BMAL2: variants seen among roughly 807,000 people sequenced by gnomAD.
BMAL2 encodes the protein basic helix-loop-helix ARNT-like protein 2.
the BMAL2 span, among the ~76,000 whole-genome samples, chr12:27,397,126 A>C: frequency 6.6e-6 from 1 of 152,158 alleles, no homozygotes; most frequent in African/African-American, 2.4e-5. Flanking sequence ...GCTGGAGTGC[A>C]GTGGCATGAT....
chr12:27,376,446 T>C, the BMAL2 span: 29 of 1,531,352 alleles, frequency 1.9e-5, no homozygotes, highest in Non-Finnish European at 2.4e-5. Flanking sequence ...AAGGCAAGCC[T>C]GTAGCCTAAG....
At chr12:27,419,645 A>G in the BMAL2 span, among the ~76,000 whole-genome samples, 8 of 152,330 alleles carry the variant, frequency 5.3e-5, no homozygotes, top group South Asian at 2.1e-4. Flanking sequence ...CATGACTGAC[A>G]TTGCTCTGCT....
the BMAL2 span, chr12:27,418,270 A>G: frequency 2.0e-6 from 2 of 1,021,694 alleles, no homozygotes; most frequent in Non-Finnish European, 2.9e-6. Flanking sequence ...GTTTTCAGGC[A>G]CAGGAAATTT....
At chr12:27,422,793 C>A in the BMAL2 span, 1 of 152,212 alleles carries the variant, frequency 6.6e-6, no homozygotes, top group Non-Finnish European at 1.5e-5. Context: ...ACTTGGCTTC[C>A]AAAGAGTCTG....
chr12:27,404,534 C>T, the BMAL2 span, among the ~76,000 whole-genome samples: 6 of 152,108 alleles, frequency 3.9e-5, no homozygotes, highest in African/African-American at 1.4e-4. Flanking sequence ...AAAAATAAAG[C>T]TAGACTCCAA....
At chr12:27,407,267 T>C in the BMAL2 span, among the ~76,000 whole-genome samples, 13 of 152,288 alleles carry the variant, frequency 8.5e-5, no homozygotes, top group African/African-American at 3.1e-4. Context: ...CAGAACTCTC[T>C]GCCCCGAATC....
At chr12:27,374,814 C>T in the BMAL2 span, among the ~76,000 whole-genome samples, 4 of 152,150 alleles carry the variant, frequency 2.6e-5, no homozygotes, top group Non-Finnish European at 4.4e-5. Flanking sequence ...TAACTTTACT[C>T]AACTCCTTCA....
At chr12:27,332,864 CAT>C in the BMAL2 span, 4 of 193,956 alleles carry the variant, frequency 2.1e-5, no homozygotes, top group African/African-American at 9.5e-5. Context: ...CTCCAGTCCG[CAT>C]GCTCAGTAGC....
the BMAL2 span, among the ~76,000 whole-genome samples, chr12:27,361,315 G>A: frequency 6.6e-6 from 1 of 152,182 alleles, no homozygotes; most frequent in Non-Finnish European, 1.5e-5. Flanking sequence ...AATATTGCAA[G>A]ATTGATTATC....
the BMAL2 span, among the ~76,000 whole-genome samples, chr12:27,405,686 A>G: frequency 6.6e-6 from 1 of 152,236 alleles, no homozygotes; most frequent in African/African-American, 2.4e-5. Context: ...TAAAAATCAG[A>G]GCGCCTTTCC....
chr12:27,416,226 A>G, the BMAL2 span, among the ~76,000 whole-genome samples: 559 of 152,304 alleles, frequency 3.7e-3, no homozygotes, highest in Middle Eastern at 6.8e-3. Context: ...ATAAAGTAAG[A>G]ATAATAATGT....
the BMAL2 span, among the ~76,000 whole-genome samples, chr12:27,409,352 A>C: frequency 1.3e-5 from 2 of 152,240 alleles, no homozygotes; most frequent in Admixed American, 6.5e-5. Flanking sequence ...CTGTACTACA[A>C]AGCTACAGTA....
At chr12:27,400,719 A>G in the BMAL2 span, 2 of 1,613,250 alleles carry the variant, frequency 1.2e-6, no homozygotes, top group African/African-American at 1.3e-5. Context: ...TGTGAAACCA[A>G]CTGAATTTAT....
At chr12:27,390,270 G>T in the BMAL2 span, 1 of 1,603,498 alleles carries the variant, frequency 6.2e-7, no homozygotes. Context: ...GTGATGCAAA[G>T]CATGGCTATA....
the BMAL2 span, chr12:27,402,605 G>A: frequency 6.2e-7 from 1 of 1,604,690 alleles, no homozygotes; most frequent in East Asian, 2.2e-5. Context: ...CACCTATGGT[G>A]TTTTTAATTC....
At chr12:27,402,504 A>T in the BMAL2 span, 2 of 809,476 alleles carry the variant, frequency 2.5e-6, no homozygotes, top group Non-Finnish European at 3.9e-6. Flanking sequence ...ATATGTGTAT[A>T]TAAAACATAA....
the BMAL2 span, among the ~76,000 whole-genome samples, chr12:27,414,861 G>C: frequency 6.6e-6 from 1 of 151,894 alleles, no homozygotes; most frequent in Non-Finnish European, 1.5e-5. Context: ...AAATAAAATT[G>C]ATAAACCATT....
At chr12:27,351,578 C>G in the BMAL2 span, among the ~76,000 whole-genome samples, 1 of 152,204 alleles carries the variant, frequency 6.6e-6, no homozygotes, top group Non-Finnish European at 1.5e-5. Flanking sequence ...TCCACCTAAC[C>G]TAATCACCCC....
chr12:27,390,082 C>A, the BMAL2 span: 1 of 1,613,012 alleles, frequency 6.2e-7, no homozygotes, highest in Non-Finnish European at 8.5e-7. Context: ...CTCTCGCCCC[C>A]TTCTGCACGA....
Sources: gnomAD v4.1 joint callset for allele counts (sites outside exome capture counted in the v4.1 genomes callset) on GRCh38, gnomAD v4.1.1 for gene constraint, MANE v1.5 for transcripts, NCBI Gene and HGNC (gene_info 2026-07-23, HGNC 2026-07-21) for gene names.